CC2D2A: variants seen among roughly 807,000 people sequenced by gnomAD.
CC2D2A encodes the protein coiled-coil and C2 domain containing 2A, also known as coiled-coil and C2 domain-containing protein 2A.
Under a neutral mutation model 212.9 loss-of-function variants are expected in CC2D2A, and 155 were observed. That is an observed-to-expected ratio of 0.73 (90% CI 0.64 to 0.83). The LOEUF is 0.83. Ranked by LOEUF, CC2D2A falls within the 40% of genes least tolerant of loss-of-function variation. CC2D2A has a pLI of 0.00. For synonymous variants in CC2D2A, 667 were observed against 686.5 expected, an observed-to-expected ratio of 0.97 and a Z score of 0.44; for missense variants, 1,856 against 1,956.2, an observed-to-expected ratio of 0.95 and a Z score of 0.97.
chr4:15,489,933 T>C (rs1330276812), intron 4 of CC2D2A, among the ~76,000 whole-genome samples: 1 of 152,180 alleles, frequency 6.6e-6, no homozygotes, highest in Admixed American at 6.5e-5. Context: ...GACTACTCCA[T>C]GTTGGAGCAC....
At chr4:15,553,630 T>C (rs1303548193) in intron 19 of CC2D2A, among the ~76,000 whole-genome samples, 1 of 152,194 alleles carries the variant, frequency 6.6e-6, no homozygotes, top group Non-Finnish European at 1.5e-5. Flanking sequence ...CACAGTTGTA[T>C]ATATTTTGCC....
At position 15,522,191 on chromosome 4, in the gene CC2D2A, A is replaced by C. The variant is rs532953912; in HGVS notation, c.1150-5256A>C. Among the ~76,000 whole-genome samples the C allele has an allele frequency of 4.1e-4, 63 of 152,300 alleles. No individual in the cohort carries two copies. In the East Asian group the frequency reaches 7.9e-3, roughly 19 times the overall value. On this transcript the variant is annotated intron_variant, in intron 11 of 36. Transcript: ENST00000424120. The stretch of plus-strand genomic sequence containing the variant: ...ACGCCAGCTTGGTTGACAGAGCGAG[A>C]CCTTGTCTCTAAAAAATACATGCAT...
Position 15,478,767 on chromosome 4 carries a change from T to C in CC2D2A, c.84T>C (p.Asn28=), listed in dbSNP as rs1327824919. The stretch of plus-strand genomic sequence containing the variant: ...AGGATGCAGACATGGGAAGACAGAA[T>C]AAGAACTCAAAGGTTCGAAGACAGC... ...NDEDADMGRQ[N]KNSKVRRQPR... The change falls in exon 3 of 37, where the codon AAT becomes AAC. Residue 28 remains asparagine (N), a synonymous_variant. Transcript: ENST00000424120. 6.4e-7 allele frequency: 1 copy of C among 1,555,328 alleles called. No individual in the cohort carries two copies. The highest frequency in any genetic ancestry group is 1.9e-5 in the Admixed American group (1 of 51,342).
chr4:15,569,418 T>G (rs751875544), intron 27 of CC2D2A, 29 bp downstream of exon 27: 1 of 1,289,946 alleles, frequency 7.8e-7, no homozygotes, highest in East Asian at 2.5e-5. Context: ...GAAAGACACT[T>G]GTATTCACTT....
Position 15,559,180 on chromosome 4 carries a change from T to G in CC2D2A, c.2845T>G (p.Leu949Val). 1 of 1,549,342 alleles carries G rather than the reference T, an allele frequency of 6.5e-7. No homozygotes were observed. Among genetic ancestry groups the G allele is most frequent in the Non-Finnish European group, 8.7e-7 (1 of 1,146,136 alleles). The stretch of plus-strand genomic sequence containing the variant: ...TTAATTTTAGGACTATGAGAAACGG[T>G]TACGAGACAGAAATGTAATAGAAAC... Reference protein sequence around the residue: ...EKVFQDYEKRLRDRNVIETKE... With the variant: ...EKVFQDYEKRVRDRNVIETKE... Residue 949 changes from leucine (L) to valine (V), a missense_variant, in exon 22 of 37, where the codon TTA becomes GTA. This residue lies in a region of CC2D2A where 1,512 missense variants were observed against 1,579.3 expected (regional missense o/e 0.96). Transcript: ENST00000424120.
intron 4 of CC2D2A, among the ~76,000 whole-genome samples, chr4:15,486,465 G>A (rs953227828): frequency 1.3e-5 from 2 of 151,898 alleles, no homozygotes; most frequent in African/African-American, 4.8e-5. Flanking sequence ...GCTCATAATA[G>A]TCTCTAATAA....
rs1318623839 is a variant in CC2D2A, at chr4:15,540,875, C to T, written c.2042C>T (p.Ser681Leu). The change falls in exon 17 of 37, where the codon TCA becomes TTA. Residue 681 changes from serine to leucine, a missense_variant. Ser to Leu is a moderately radical substitution (Grantham distance 145). This residue lies in a region of CC2D2A where 1,512 missense variants were observed against 1,579.3 expected (regional missense o/e 0.96). Coordinates refer to ENST00000424120, the MANE Select transcript of CC2D2A (RefSeq NM_001378615.1). ...VSRREDVKKR[S>L]VYLKVLFNNK... ...AGAAGGGAGGATGTAAAGAAGCGCT[C>T]AGTGTACTTAAAAGTGCTGTTCAAC... 19 of 1,599,296 alleles carry T rather than the reference C, an allele frequency of 1.2e-5. No individual in the cohort carries two copies. The highest frequency in any genetic ancestry group is 1.5e-5 in the Non-Finnish European group (18 of 1,172,826).
chr4:15,531,589 T>A (rs1717851558), intron 13 of CC2D2A, among the ~76,000 whole-genome samples: 1 of 152,052 alleles, frequency 6.6e-6, no homozygotes, highest in Admixed American at 6.6e-5. Flanking sequence ...CCAGACCCCA[T>A]CGATATCAGA....
At chr4:15,601,101 A>G in intron 36 of CC2D2A, 136 bp from the exon 37 acceptor site, 1 of 741,388 alleles carries the variant, frequency 1.3e-6, no homozygotes, top group Non-Finnish European at 2.2e-6. Flanking sequence ...TGTATTGCTA[A>G]TAAAAAGCTG....
At chr4:15,479,772 G>T (rs991208017) in intron 3 of CC2D2A, among the ~76,000 whole-genome samples, 29 of 152,194 alleles carry the variant, frequency 1.9e-4, no homozygotes, top group African/African-American at 7.0e-4. Context: ...GGCTGTGGAG[G>T]CAGTAGATGA....
At chr4:15,594,921 C>T (rs1304174830) in intron 33 of CC2D2A, among the ~76,000 whole-genome samples, 1 of 151,926 alleles carries the variant, frequency 6.6e-6, no homozygotes, top group East Asian at 1.9e-4. Context: ...CCACCTCAGC[C>T]TCTCAAGCAT....
At chr4:15,563,775 T>C (rs1444337356) in intron 24 of CC2D2A, 1 of 463,288 alleles carries the variant, frequency 2.2e-6, no homozygotes. Flanking sequence ...CAAGGGAGAC[T>C]GCAGGGATAA....
At chr4:15,511,452 G>C in intron 8 of CC2D2A, 29 bp downstream of exon 8, 1 of 1,477,054 alleles carries the variant, frequency 6.8e-7, no homozygotes, top group Non-Finnish European at 8.9e-7. Context: ...GTAATGAGGT[G>C]TGGGTGGAGG....
Position 15,597,403 on chromosome 4 carries a change from A to G in CC2D2A, c.4438-4A>G, listed in dbSNP as rs1463104948. On this transcript the variant is annotated splice_region_variant and splice_polypyrimidine_tract_variant and intron_variant, in intron 34 of 36. Coordinates refer to ENST00000424120, the MANE Select transcript of CC2D2A (RefSeq NM_001378615.1). ...TACTTTCTGAACTATTTTCTCTTCT[A>G]TAGCCTGAAGAGCTAATTTACCAGC... 1.3e-6 allele frequency: 2 copies of G among 1,548,770 alleles called. No homozygotes were observed. The highest frequency in any genetic ancestry group is 2.4e-5 in the South Asian group (2 of 83,868).
At chr4:15,599,733 A>G (rs1489809953) in intron 36 of CC2D2A, 27 bp downstream of exon 36, 1 of 1,542,246 alleles carries the variant, frequency 6.5e-7, no homozygotes, top group Non-Finnish European at 8.8e-7. Context: ...TCCTAAACTG[A>G]CTGTGGATTT....
At chr4:15,523,905 ACT>A (rs1364533775) in intron 11 of CC2D2A, among the ~76,000 whole-genome samples, 2 of 152,126 alleles carry the variant, frequency 1.3e-5, no homozygotes, top group African/African-American at 4.8e-5. Flanking sequence ...CAAAAAATAA[ACT>A]CTAGTCAGTG....
chr4:15,496,671 A>G (rs1312375149), intron 4 of CC2D2A, among the ~76,000 whole-genome samples: 2 of 152,270 alleles, frequency 1.3e-5, no homozygotes, highest in African/African-American at 2.4e-5. Context: ...TTTCTGTAGC[A>G]TCTGCCCAAA....
At chr4:15,552,319 G>A (rs978004982) in intron 18 of CC2D2A, among the ~76,000 whole-genome samples, 4 of 152,032 alleles carry the variant, frequency 2.6e-5, no homozygotes, top group Non-Finnish European at 4.4e-5. Flanking sequence ...TCTGTCTTAG[G>A]GTGCTTGCAC....
At chr4:15,566,585 C>T (rs200173546) in intron 24 of CC2D2A, among the ~76,000 whole-genome samples, 186 of 152,148 alleles carry the variant, frequency 1.2e-3, no homozygotes, top group African/African-American at 4.3e-3. Context: ...TCTGTGGGGA[C>T]CAGAGCATAC....
Sources: allele counts gnomAD v4.1 joint callset (sites outside exome capture counted in the v4.1 genomes callset), GRCh38; gene constraint gnomAD v4.1.1; regional missense constraint gnomAD v4.1.1; transcripts MANE v1.5; gene names NCBI Gene and HGNC (gene_info 2026-07-23, HGNC 2026-07-21).